SYNE1: variants seen among roughly 807,000 people sequenced by gnomAD.
SYNE1 encodes nesprin-1.
A neutral mutation model predicts 1,111.0 loss-of-function variants in SYNE1; 616 were observed. The observed-to-expected ratio is 0.55, with a 90% CI of 0.52 to 0.59. The LOEUF is 0.59. Ranked by LOEUF, SYNE1 falls within the 20% of genes least tolerant of loss-of-function variation. The pLI, the probability that SYNE1 is intolerant of heterozygous loss-of-function variation, is 0.00. For missense variants in SYNE1, 10,006 were observed against 10,417.0 expected, an observed-to-expected ratio of 0.96 and a Z score of 1.72; for synonymous variants, 3,855 against 3,825.8, an observed-to-expected ratio of 1.01 and a Z score of -0.28.
intron 96 of SYNE1, among the ~76,000 whole-genome samples, chr6:152,282,313 G>A (rs2094083052): frequency 6.6e-6 from 1 of 152,194 alleles, no homozygotes; most frequent in African/African-American, 2.4e-5. Context: ...GCATAAAGCG[G>A]TTGGTAAATG....
intron 10 of SYNE1, among the ~76,000 whole-genome samples, chr6:152,499,359 G>A (rs1336072653): frequency 6.6e-6 from 1 of 151,766 alleles, no homozygotes; most frequent in Non-Finnish European, 1.5e-5. Flanking sequence ...AGTTTTATTG[G>A]ATGAGATTAA....
At chr6:152,125,614 A>G (rs1052957107) in intron 145 of SYNE1, 1 of 378,386 alleles carries the variant, frequency 2.6e-6, no homozygotes, top group South Asian at 6.2e-5. Flanking sequence ...CCAACACTCA[A>G]CACCTGTAGC....
intron 39 of SYNE1, among the ~76,000 whole-genome samples, chr6:152,424,498 C>T (rs2098321284): frequency 1.3e-5 from 2 of 152,104 alleles, no homozygotes; most frequent in Non-Finnish European, 2.9e-5. Context: ...TCAAATGTCC[C>T]TTTTTTTGAT....
intron 84 of SYNE1, 137 bp from the exon 85 acceptor site, chr6:152,319,152 G>C: frequency 8.1e-7 from 1 of 1,239,906 alleles, no homozygotes; most frequent in Non-Finnish European, 1.1e-6. Flanking sequence ...AGCGATGTGC[G>C]ATTAGTTACA....
chr6:152,416,768 G>C lies in SYNE1; in HGVS notation c.5669C>G (p.Thr1890Arg). 6.2e-7 allele frequency: 1 copy of C among 1,614,218 alleles called. No homozygotes were observed. The highest frequency in any genetic ancestry group is 8.5e-7 in the Non-Finnish European group (1 of 1,180,048). Residue 1890 changes from threonine to arginine, a missense_variant, in exon 41 of 146, where the codon ACA becomes AGA. Physicochemically the swap from Thr to Arg is moderately conservative, Grantham distance 71. This residue lies in a region of SYNE1 where 4,955 missense variants were observed against 5,017.2 expected (regional missense o/e 0.99). Transcript: ENST00000367255. ...LSGILRQLRQ[T>R]VEATNSMNKN... ...ATTCATACTGTTGGTTGCTTCCACTGTTTGCCTCAGCTGGCGGAGAATGCC... is the reference window on the plus strand; with the variant it reads ...ATTCATACTGTTGGTTGCTTCCACTCTTTGCCTCAGCTGGCGGAGAATGCC...
chr6:152,279,612 G>A (rs1049439685), intron 97 of SYNE1, among the ~76,000 whole-genome samples: 7 of 151,908 alleles, frequency 4.6e-5, no homozygotes, highest in East Asian at 1.9e-4. Context: ...CCGCACTTGC[G>A]GGGCTGAGGT....
intron 3 of SYNE1, among the ~76,000 whole-genome samples, chr6:152,565,640 C>G (rs2099410901): frequency 6.6e-6 from 1 of 151,552 alleles, no homozygotes; most frequent in South Asian, 2.1e-4. Context: ...AAAATCTTCC[C>G]TTATTCAGAC....
rs921239637 is a variant in SYNE1, at chr6:152,606,791, G to A, written c.67+21474C>T. 2.5e-4 allele frequency among the ~76,000 whole-genome samples: 38 copies of A among 151,480 alleles called. 1 individual carries two copies. The highest frequency in any genetic ancestry group is 9.0e-4 in the African/African-American group (37 of 41,270). ...GCCTCCCAAGTGGCTGGGACTACAG[G>A]CGCCCGCCACCACGCCCGGCTAAAT... On this transcript the variant is annotated intron_variant, in intron 3 of 145. Coordinates refer to ENST00000367255, the MANE Select transcript of SYNE1 (RefSeq NM_182961.4).
At chr6:152,282,070 TG>T (rs2094062620) in intron 96 of SYNE1, 90 bp from the exon 97 acceptor site, 1 of 1,368,456 alleles carries the variant, frequency 7.3e-7, no homozygotes, top group Non-Finnish European at 1.0e-6. Context: ...AGGCCCTGGC[TG>T]TACATAAGAA....
chr6:152,165,737 T>A (rs2063518033), intron 130 of SYNE1, among the ~76,000 whole-genome samples: 1 of 152,216 alleles, frequency 6.6e-6, no homozygotes, highest in Non-Finnish European at 1.5e-5. Context: ...GCATTGGCCT[T>A]GAACACTATT....
At chr6:152,357,517 T>G (rs1049166166) in intron 66 of SYNE1, among the ~76,000 whole-genome samples, 11 of 152,178 alleles carry the variant, frequency 7.2e-5, no homozygotes, top group African/African-American at 2.7e-4. Flanking sequence ...CATCTTCTGC[T>G]GTTTGTTTTG....
At chr6:152,129,815 A>C (rs1280797289) in intron 145 of SYNE1, among the ~76,000 whole-genome samples, 1 of 152,140 alleles carries the variant, frequency 6.6e-6, no homozygotes, top group Non-Finnish European at 1.5e-5. Flanking sequence ...ATTCCTGCTC[A>C]GTGGTGATAA....
intron 63 of SYNE1, among the ~76,000 whole-genome samples, chr6:152,364,072 C>T (rs1366171838): frequency 5.3e-5 from 8 of 152,230 alleles, no homozygotes. Flanking sequence ...GTGGTTTCCC[C>T]CATGCTGTTC....
chr6:152,134,925 G>T, intron 142 of SYNE1, 179 bp downstream of exon 142: 1 of 694,166 alleles, frequency 1.4e-6, no homozygotes, highest in Non-Finnish European at 2.4e-6. Flanking sequence ...CATCTTCTAT[G>T]CACATGTTTG....
Position 152,348,410 on chromosome 6 carries a change from C to T in SYNE1, c.11902-1175G>A, listed in dbSNP as rs116374878. ...TTTTAAAAATCACGTTCTGGCCAGACGCGGTGGCTCACGCCTGTAATCCCA... is the reference window on the plus strand; with the variant it reads ...TTTTAAAAATCACGTTCTGGCCAGATGCGGTGGCTCACGCCTGTAATCCCA... On this transcript the variant is annotated intron_variant, in intron 72 of 145. Coordinates refer to ENST00000367255, the MANE Select transcript of SYNE1 (RefSeq NM_182961.4). Among the ~76,000 whole-genome samples, 501 of 152,268 alleles carry T rather than the reference C, an allele frequency of 3.3e-3. 3 individuals carry two copies. Among genetic ancestry groups the T allele is most frequent in the African/African-American group, 0.011 (476 of 41,544 alleles).
rs759307767 is a variant in SYNE1, at chr6:152,236,135, G to A, written c.20368C>T (p.Leu6790=). ...GTCCAGTGTTTCAATATTGTTTCCA[G>A]TCTGTGAAGTTCCTTAGACATTTTA... ...TNKMSKELHR[L]ETILKHWTRY... is the part of the protein sequence containing the mutation. Residue 6790 remains leucine, a synonymous_variant, in exon 110 of 146, where the codon CTG becomes TTG. Coordinates refer to ENST00000367255, the MANE Select transcript of SYNE1 (RefSeq NM_182961.4). 5.6e-6 allele frequency: 9 copies of A among 1,614,042 alleles called. No individual in the cohort carries two copies. The Admixed American group carries it at 1.5e-4, about 27-fold the overall frequency.
At chr6:152,533,682 G>A (rs891984116) in intron 4 of SYNE1, among the ~76,000 whole-genome samples, 8 of 151,930 alleles carry the variant, frequency 5.3e-5, no homozygotes, top group South Asian at 4.1e-4. Flanking sequence ...TTCAGTCTAC[G>A]TTCAGCAGAA....
chr6:152,222,266 G>T (rs2080360630), intron 117 of SYNE1, among the ~76,000 whole-genome samples: 1 of 152,162 alleles, frequency 6.6e-6, no homozygotes, highest in African/African-American at 2.4e-5. Context: ...AATTTGCCTT[G>T]CTGAGAAATC....
intron 126 of SYNE1, among the ~76,000 whole-genome samples, chr6:152,205,469 G>C (rs1350664542): frequency 6.6e-6 from 1 of 152,216 alleles, no homozygotes; most frequent in Non-Finnish European, 1.5e-5. Flanking sequence ...CTGAGGCTTA[G>C]ATAGGCTAAG....
Sources: gnomAD v4.1 joint callset for allele counts (sites outside exome capture counted in the v4.1 genomes callset) on GRCh38, gnomAD v4.1.1 for gene constraint, gnomAD v4.1.1 regional missense constraint, MANE v1.5 for transcripts, NCBI Gene and HGNC (gene_info 2026-07-23, HGNC 2026-07-21) for gene names.